The following ATAD1 variants were observed in gnomAD, a reference collection of about 807,000 sequenced individuals.
ATAD1 encodes outer mitochondrial transmembrane helix translocase.
ATAD1 carries 18 observed loss-of-function variants against 42.7 expected under a neutral mutation model. That is an observed-to-expected ratio of 0.42 (90% CI 0.29 to 0.63). ATAD1 has a LOEUF of 0.63. Among genes scored for constraint, ATAD1 ranks in the 20% least tolerant of loss-of-function variants. ATAD1 has a pLI of 0.19. For synonymous variants in ATAD1, 132 were observed against 143.1 expected, an observed-to-expected ratio of 0.92 and a Z score of 0.55; for missense variants, 294 against 440.4, an observed-to-expected ratio of 0.67 and a Z score of 2.98.
At position 87,754,309 on chromosome 10, in the gene ATAD1, C is replaced by T. The variant is rs74149609; in HGVS notation, c.*378G>A. 2,435 of 156,864 alleles carry T rather than the reference C, an allele frequency of 0.016. 65 individuals are homozygous for T. The highest frequency in any genetic ancestry group is 0.054 in the African/African-American group (2,257 of 41,638). The allele number at this position is 156,864 out of a possible 1,614,324, so 9.7% of individuals were successfully genotyped here. A position where few individuals can be genotyped will look rare whatever the true frequency, so the allele number is the denominator to read the frequency against. On this transcript the variant is annotated 3_prime_UTR_variant, in exon 10 of 10. Transcript: ENST00000680024. ...TACATTTAATATACACATACATACA[C>T]GCACACACACAAACGCATACTCACA... is the stretch of plus-strand genomic sequence containing the variant.
At position 87,784,665 on chromosome 10, in the gene ATAD1, G is replaced by C. The variant is rs1855739950; in HGVS notation, c.388C>G (p.Leu130Val). 6.2e-7 allele frequency: 1 copy of C among 1,612,020 alleles called. No homozygotes were observed. Among genetic ancestry groups the C allele is most frequent in the Non-Finnish European group, 8.5e-7 (1 of 1,179,542 alleles). Reference sequence around the variant, plus strand: ...CCACAGCCTGGAGGCCCATAGAGAAGAACACCTGGAAATGAATATGTTATT... The same window carrying C: ...CCACAGCCTGGAGGCCCATAGAGAACAACACCTGGAAATGAATATGTTATT... ...SRLLQPPKGV[L>V]LYGPPGCGKT... The change falls in exon 5 of 10, where the codon CTT becomes GTT. Residue 130 changes from leucine (L) to valine (V), a missense_variant. Physicochemically the swap from Leu to Val is conservative, Grantham distance 32 (BLOSUM62 1). Coordinates refer to ENST00000680024, the MANE Select transcript of ATAD1 (RefSeq NM_001321967.2).
chr10:87,792,041 A>T (rs1010723128), intron 3 of ATAD1, among the ~76,000 whole-genome samples: 31 of 152,244 alleles, frequency 2.0e-4, no homozygotes, highest in Non-Finnish European at 4.3e-4. Context: ...CAAATACATA[A>T]AAGTTTTACT....
At position 87,839,536 on chromosome 10, in the gene ATAD1, TTGACCATCAAGAGAAGGACAA is replaced by T. The variant is rs1159652867; in HGVS notation, c.-14+1630_-14+1650del. 2.6e-5 allele frequency among the ~76,000 whole-genome samples: 4 copies of T among 152,210 alleles called. No homozygotes were observed. In the East Asian group the frequency reaches 7.7e-4, roughly 29 times the overall value. On this transcript the variant is annotated intron_variant, in intron 1 of 4. Coordinates refer to the ATAD1 transcript ENST00000495903. ...ATAGTAAACAGAACATGAGTAATTC[TTGACCATCAAGAGAAGGACAA>T]GTCCTTATAATTGGAGTGGAACTGG... is the stretch of plus-strand genomic sequence containing the variant.
chr10:87,819,537 C>T (rs1227558978), upstream of ATAD1, among the ~76,000 whole-genome samples: 1 of 152,174 alleles, frequency 6.6e-6, no homozygotes, highest in African/African-American at 2.4e-5. Context: ...TAGTTAATGT[C>T]TGCTGGGGTG....
intron 1 of ATAD1, chr10:87,832,065 T>C (rs1430860698): frequency 6.7e-6 from 1 of 148,312 alleles, no homozygotes; most frequent in African/African-American, 2.5e-5. Flanking sequence ...GTTACATAGA[T>C]TGTTATGGCT....
chr10:87,813,139 T>C (rs1274755586), intron 2 of ATAD1, among the ~76,000 whole-genome samples: 1 of 152,172 alleles, frequency 6.6e-6, no homozygotes, highest in Admixed American at 6.5e-5. Context: ...TAGCTTTCTG[T>C]ATGTCTTCTA....
chr10:87,769,398 T>G (rs190968649), intron 7 of ATAD1, among the ~76,000 whole-genome samples: 2 of 152,322 alleles, frequency 1.3e-5, no homozygotes, highest in African/African-American at 4.8e-5. Flanking sequence ...CTTCCTTGTC[T>G]CATTTGCCTG....
intron 9 of ATAD1, among the ~76,000 whole-genome samples, 188 bp downstream of exon 9, chr10:87,756,601 C>T (rs1174102327): frequency 6.6e-6 from 1 of 152,174 alleles, no homozygotes; most frequent in African/African-American, 2.4e-5. Context: ...TCCCACAATT[C>T]TGCCCTCCTT....
At chr10:87,790,193 T>A (rs773117723) in intron 4 of ATAD1, 117 bp downstream of exon 4, 18 of 1,200,808 alleles carry the variant, frequency 1.5e-5, no homozygotes, top group Non-Finnish European at 2.0e-5. Context: ...ACTGTTCACA[T>A]AGATCTCAGC....
At chr10:87,777,797 A>G (rs1855376570) in intron 5 of ATAD1, among the ~76,000 whole-genome samples, 1 of 152,194 alleles carries the variant, frequency 6.6e-6, no homozygotes, top group Non-Finnish European at 1.5e-5. Context: ...CACACTTCAA[A>G]AAAGTATTTT....
intron 1 of ATAD1, among the ~76,000 whole-genome samples, chr10:87,829,579 G>A (rs185908677): frequency 3.3e-5 from 5 of 152,260 alleles, no homozygotes; most frequent in Admixed American, 2.0e-4. Flanking sequence ...AAATGCCATT[G>A]AGAATATTCA....
At chr10:87,776,494 G>GTGAGACCCT in intron 5 of ATAD1, 67 bp from the exon 6 acceptor site, 1 of 1,299,208 alleles carries the variant, frequency 7.7e-7, no homozygotes, top group Non-Finnish European at 1.1e-6. Flanking sequence ...TTTGAGACAG[G>GTGAGACCCT]GTCTCACTCT....
chr10:87,771,689 T>A, intron 6 of ATAD1, among the ~76,000 whole-genome samples: 1 of 151,972 alleles, frequency 6.6e-6, no homozygotes, highest in East Asian at 1.9e-4. Flanking sequence ...GAACTCTTTT[T>A]AAAAATGCTG....
intron 4 of ATAD1, among the ~76,000 whole-genome samples, chr10:87,788,507 T>C (rs1287330097): frequency 6.6e-6 from 1 of 152,088 alleles, no homozygotes; most frequent in African/African-American, 2.4e-5. Context: ...AATCAGAAAA[T>C]ATTCATGTAA....
chr10:87,775,468 A>T (rs1309438959), intron 6 of ATAD1, among the ~76,000 whole-genome samples: 1 of 150,932 alleles, frequency 6.6e-6, no homozygotes, highest in Non-Finnish European at 1.5e-5. Context: ...TAAAACAACA[A>T]AAGAACACTG....
chr10:87,839,902 T>TA (rs1199884395), intron 1 of ATAD1, among the ~76,000 whole-genome samples: 1 of 152,244 alleles, frequency 6.6e-6, no homozygotes, highest in African/African-American at 2.4e-5. Context: ...GCTGCCTTCC[T>TA]ATTCCTGTTC....
At chr10:87,805,572 C>A (rs537874899) in intron 2 of ATAD1, among the ~76,000 whole-genome samples, 4 of 152,056 alleles carry the variant, frequency 2.6e-5, no homozygotes, top group Admixed American at 6.6e-5. Context: ...CCTAAATAGG[C>A]CCCCAACCTC....
At chr10:87,783,545 A>G (rs563201588) in intron 5 of ATAD1, among the ~76,000 whole-genome samples, 8 of 152,108 alleles carry the variant, frequency 5.3e-5, no homozygotes, top group African/African-American at 1.9e-4. Flanking sequence ...ATATTTACAT[A>G]GCCTATCATA....
chr10:87,761,244 C>G (rs1315516164), intron 8 of ATAD1, among the ~76,000 whole-genome samples: 1 of 152,058 alleles, frequency 6.6e-6, no homozygotes, highest in Admixed American at 6.5e-5. Context: ...ATATAAATAC[C>G]AACCAGTGGG....
Sources: gnomAD v4.1 joint callset for allele counts (sites outside exome capture counted in the v4.1 genomes callset) on GRCh38, gnomAD v4.1.1 for gene constraint, MANE v1.5 for transcripts, NCBI Gene and HGNC (gene_info 2026-07-23, HGNC 2026-07-21) for gene names.